The following UTP14C variants were observed in gnomAD, a reference collection of about 807,000 sequenced individuals.
The protein encoded by UTP14C is U3 small nucleolar RNA-associated protein 14 homolog C.
UTP14C carries 10 observed loss-of-function variants against 14.6 expected under a neutral mutation model. The ratio of observed to expected loss-of-function variants is 0.68; its 90% confidence interval spans 0.42 to 1.16. The LOEUF is 1.16. Ranked by LOEUF, UTP14C falls within the 50% of genes most tolerant of loss-of-function variation. The pLI, the probability that UTP14C is intolerant of heterozygous loss-of-function variation, is 0.00. For missense variants in UTP14C, 818 were observed against 890.8 expected (o/e 0.92, Z 1.04); for synonymous variants, 315 against 331.6 (o/e 0.95, Z 0.54).
chr13:52,032,771 A>G lies in UTP14C; in HGVS notation c.*1666A>G, dbSNP rs927403679. 6.0e-6 allele frequency: 1 copy of G among 167,096 alleles called. No homozygotes were observed. Among genetic ancestry groups the G allele is most frequent in the Non-Finnish European group, 1.5e-5 (1 of 68,116 alleles). The allele number at this position is 167,096 out of a possible 1,614,324, so 10.4% of individuals were successfully genotyped here. Reference sequence around the variant, plus strand: ...TAGAAATTGGAGTGAAAGGAACCCTACAGATTAGCCCAGTTCTCTCTTATT... The same window carrying G: ...TAGAAATTGGAGTGAAAGGAACCCTGCAGATTAGCCCAGTTCTCTCTTATT... On this transcript the variant is annotated 3_prime_UTR_variant, in exon 2 of 2. Transcript: ENST00000521776.
Position 52,030,582 on chromosome 13 carries a change from T to C in UTP14C, c.1778T>C (p.Met593Thr). ...GAAGAGGAGAGAGACCAAAGGCAGA[T>C]GATAAAGGAAGCTTTTGCTGGGGAT... ...EDEEERDQRQ[M>T]IKEAFAGDDV... Residue 593 changes from methionine to threonine, a missense_variant, in exon 2 of 2, where the codon ATG becomes ACG. Physicochemically the swap from Met to Thr is moderately conservative, Grantham distance 81. Transcript: ENST00000521776. The C allele has an allele frequency of 6.2e-7, 1 of 1,614,138 alleles. No individual in the cohort carries two copies. The highest frequency in any genetic ancestry group is 8.5e-7 in the Non-Finnish European group (1 of 1,180,034).
Position 52,031,235 on chromosome 13 carries a change from AAAAG to A in UTP14C, c.*134_*137del, listed in dbSNP as rs1954300835. ...ATGTAGTTGAGCCACATTTTTTAAAAAAAGAAAATGGATGACCATTAATTGACTA... is the reference window on the plus strand; with the variant it reads ...ATGTAGTTGAGCCACATTTTTTAAAAAAAATGGATGACCATTAATTGACTA... On this transcript the variant is annotated 3_prime_UTR_variant, in exon 2 of 2. Coordinates refer to ENST00000521776, the MANE Select transcript of UTP14C (RefSeq NM_021645.6). The A allele has an allele frequency of 1.5e-6, 2 of 1,358,510 alleles. No individual in the cohort carries two copies. Among genetic ancestry groups the A allele is most frequent in the Non-Finnish European group, 9.9e-7 (1 of 1,010,666 alleles). The allele number at this position is 1,358,510 out of a possible 1,614,324, so 84.2% of individuals were successfully genotyped here.
intron 1 of UTP14C, among the ~76,000 whole-genome samples, chr13:52,026,443 G>A (rs1332481143): frequency 6.6e-6 from 1 of 152,216 alleles, no homozygotes; most frequent in East Asian, 1.9e-4. Context: ...CATGGGGAGT[G>A]GATCAGTGAA....
At position 52,030,335 on chromosome 13, in the gene UTP14C, G is replaced by A; in HGVS notation, c.1531G>A (p.Glu511Lys). 1 of 1,614,198 alleles carries A rather than the reference G, an allele frequency of 6.2e-7. No individual in the cohort carries two copies. The highest frequency in any genetic ancestry group is 1.1e-5 in the South Asian group (1 of 91,078). The change falls in exon 2 of 2, where the codon GAG becomes AAG. Residue 511 changes from glutamate to lysine, a missense_variant. Transcript: ENST00000521776. ...QRSERVQTLE[E>K]LEELGKEDCF... Reference sequence around the variant, plus strand: ...GTCAGAGAGAGTACAAACTCTGGAAGAGCTAGAAGAGCTGGGAAAAGAAGA... The same window carrying A: ...GTCAGAGAGAGTACAAACTCTGGAAAAGCTAGAAGAGCTGGGAAAAGAAGA...
At chr13:52,027,237 T>TA (rs779660034) in intron 1 of UTP14C, among the ~76,000 whole-genome samples, 19 of 152,024 alleles carry the variant, frequency 1.2e-4, no homozygotes, top group Non-Finnish European at 2.6e-4. Context: ...TCAGTAAGTT[T>TA]ATCTGTGAAG....
Position 52,033,190 on chromosome 13 carries a change from G to A in UTP14C, c.*2085G>A, listed in dbSNP as rs1954322159. On this transcript the variant is annotated 3_prime_UTR_variant, in exon 2 of 2. Transcript: ENST00000521776. ...TGATAGCATGAAAAGTGTCAAAGTG[G>A]TTTGTCCGCTAGCGTCTGTCTGCAG... 6.0e-6 allele frequency: 1 copy of A among 166,924 alleles called. No individual in the cohort carries two copies. Among genetic ancestry groups the A allele is most frequent in the South Asian group, 2.1e-4 (1 of 4,816 alleles). The allele number at this position is 166,924 out of a possible 1,614,324, so 10.3% of individuals were successfully genotyped here.
At chr13:52,026,060 A>G (rs1954237309) in intron 1 of UTP14C, among the ~76,000 whole-genome samples, 1 of 152,224 alleles carries the variant, frequency 6.6e-6, no homozygotes, top group Admixed American at 6.5e-5. Flanking sequence ...TGGTGGTACC[A>G]ACAGGCTACA....
At position 52,028,705 on chromosome 13, in the gene UTP14C, CAA is replaced by C. The variant is rs1468048636; in HGVS notation, c.-97_-96del. Reference sequence around the variant, plus strand: ...AAATCATTTTACTTTAGAAAACAGACAAAATTTCCTTTTAGAATAAAAGGAAG... The same window carrying C: ...AAATCATTTTACTTTAGAAAACAGACAATTTCCTTTTAGAATAAAAGGAAG... On this transcript the variant is annotated 5_prime_UTR_variant, in exon 2 of 2. Coordinates refer to ENST00000521776, the MANE Select transcript of UTP14C (RefSeq NM_021645.6). 1 of 1,577,892 alleles carries C rather than the reference CAA, an allele frequency of 6.3e-7. No individual in the cohort carries two copies. Among genetic ancestry groups the C allele is most frequent in the Middle Eastern group, 1.9e-4 (1 of 5,342 alleles).
At position 52,031,295 on chromosome 13, in the gene UTP14C, C is replaced by T; in HGVS notation, c.*190C>T. 1 of 823,422 alleles carries T rather than the reference C, an allele frequency of 1.2e-6. No homozygotes were observed. Among genetic ancestry groups the T allele is most frequent in the Non-Finnish European group, 1.8e-6 (1 of 545,040 alleles). 51.0% of individuals were successfully genotyped at this position (823,422 alleles called of 1,614,324 possible). ...TTAGAATTGATCAGACATTAGAACA[C>T]AGAAAAATTCTAGTACATTTAAATT... is the stretch of plus-strand genomic sequence containing the variant. On this transcript the variant is annotated 3_prime_UTR_variant, in exon 2 of 2. Transcript: ENST00000521776.
Position 52,030,583 on chromosome 13 carries a change from G to A in UTP14C, c.1779G>A (p.Met593Ile). ...EDEEERDQRQMIKEAFAGDDV... is the reference protein window; with the variant it reads ...EDEEERDQRQIIKEAFAGDDV... ...AAGAGGAGAGAGACCAAAGGCAGAT[G>A]ATAAAGGAAGCTTTTGCTGGGGATG... Residue 593 changes from methionine to isoleucine, a missense_variant, in exon 2 of 2, where the codon ATG becomes ATA. By Grantham distance (10) the Met-to-Ile change is conservative. Coordinates refer to ENST00000521776, the MANE Select transcript of UTP14C (RefSeq NM_021645.6). The A allele has an allele frequency of 1.9e-6, 3 of 1,614,212 alleles. No homozygotes were observed. The highest frequency in any genetic ancestry group is 2.5e-6 in the Non-Finnish European group (3 of 1,180,042).
At chr13:52,027,524 T>C (rs1954253095) in intron 1 of UTP14C, among the ~76,000 whole-genome samples, 1 of 152,236 alleles carries the variant, frequency 6.6e-6, no homozygotes, top group African/African-American at 2.4e-5. Flanking sequence ...ATCAGCTCTG[T>C]ACCATCCTTC....
At chr13:52,025,849 T>A (rs1954235491) in intron 1 of UTP14C, among the ~76,000 whole-genome samples, 1 of 152,242 alleles carries the variant, frequency 6.6e-6, no homozygotes, top group Non-Finnish European at 1.5e-5. Context: ...CTTATACTCT[T>A]TTTACTCCTA....
At position 52,029,491 on chromosome 13, in the gene UTP14C, T is replaced by C. The variant is rs773326490; in HGVS notation, c.687T>C (p.Ala229=). ...TGCACCGAGCAGAGCTTCAGAGGGCTCGGGCTCTGCAGTCCTACTATGAGG... is the reference window on the plus strand; with the variant it reads ...TGCACCGAGCAGAGCTTCAGAGGGCCCGGGCTCTGCAGTCCTACTATGAGG... The part of the protein sequence containing the change: ...AKMHRAELQR[A]RALQSYYEAK... The change falls in exon 2 of 2, where the codon GCT becomes GCC. Residue 229 remains alanine, a synonymous_variant. Transcript: ENST00000521776. 14 of 1,614,138 alleles carry C rather than the reference T, an allele frequency of 8.7e-6. No homozygotes were observed. In the Admixed American group the frequency reaches 1.0e-4, roughly 12 times the overall value.
chr13:52,025,990 G>A (rs1284694282), intron 1 of UTP14C, among the ~76,000 whole-genome samples: 1 of 152,224 alleles, frequency 6.6e-6, no homozygotes, highest in Non-Finnish European at 1.5e-5. Context: ...GCGCTTGGGT[G>A]GATGCTAGGG....
At position 52,030,712 on chromosome 13, in the gene UTP14C, G is replaced by C. The variant is rs975448591; in HGVS notation, c.1908G>C (p.Val636=). ...CTGGCTGGGGCGAGTGGGGTGGTGT[G>C]GGCCTAAAGCCCAGTGCCAAGAAAA... The part of the protein sequence containing the change: ...TLPGWGEWGG[V]GLKPSAKKRR... Residue 636 remains valine (V), a synonymous_variant, in exon 2 of 2, where the codon GTG becomes GTC. Coordinates refer to ENST00000521776, the MANE Select transcript of UTP14C (RefSeq NM_021645.6). 1.8e-5 allele frequency: 29 copies of C among 1,613,964 alleles called. No homozygotes were observed. The highest frequency in any genetic ancestry group is 2.3e-5 in the Non-Finnish European group (27 of 1,179,914).
chr13:52,028,144 A>G lies in UTP14C; in HGVS notation c.-486-175A>G, dbSNP rs573282686. On this transcript the variant is annotated intron_variant, in intron 1 of 1. Transcript: ENST00000521776. ...TATTATGAAGCTTTGAAAACTAAAA[A>G]ACTTAAAATTATTTTATCTTGTACT... Among the ~76,000 whole-genome samples the G allele has an allele frequency of 2.6e-5, 4 of 152,308 alleles. No individual in the cohort carries two copies. The South Asian group carries it at 8.3e-4, about 32-fold the overall frequency.
rs915134237 is a variant in UTP14C, at chr13:52,031,176, C to T, written c.*71C>T. 23 of 1,525,824 alleles carry T rather than the reference C, an allele frequency of 1.5e-5. No individual in the cohort carries two copies. The East Asian group carries it at 2.3e-4, about 15-fold the overall frequency. The allele number at this position is 1,525,824 out of a possible 1,614,324, so 94.5% of individuals were successfully genotyped here. A position where few individuals can be genotyped will look rare whatever the true frequency, so the allele number is the denominator to read the frequency against. On this transcript the variant is annotated 3_prime_UTR_variant, in exon 2 of 2. Transcript: ENST00000521776. The stretch of plus-strand genomic sequence containing the variant: ...CCTTTGGTCCAGTTTTACTCTGCTA[C>T]AGGGTGGATTCCAAAACTGGCTCAG...
chr13:52,027,365 A>T (rs1954251261), intron 1 of UTP14C, among the ~76,000 whole-genome samples: 1 of 152,128 alleles, frequency 6.6e-6, no homozygotes, highest in African/African-American at 2.4e-5. Context: ...GGGAAAGGGT[A>T]AAAGATGCAG....
At position 52,030,827 on chromosome 13, in the gene UTP14C, C is replaced by T; in HGVS notation, c.2023C>T (p.His675Tyr). The T allele has an allele frequency of 6.2e-7, 1 of 1,614,162 alleles. No individual in the cohort carries two copies. The highest frequency in any genetic ancestry group is 1.1e-5 in the South Asian group (1 of 91,082). ...GATTATCAGTGAGAAGCGCAACATC[C>T]ACGCAGCAGCTCATCAGGTACAAGT... ...NVIISEKRNI[H>Y]AAAHQVQVLP... The change falls in exon 2 of 2, where the codon CAC becomes TAC. Residue 675 changes from histidine to tyrosine, a missense_variant. By Grantham distance (83) the His-to-Tyr change is moderately conservative. Transcript: ENST00000521776.
Sources: allele counts gnomAD v4.1 joint callset (sites outside exome capture counted in the v4.1 genomes callset), GRCh38; gene constraint gnomAD v4.1.1; transcripts MANE v1.5; gene names NCBI Gene and HGNC (gene_info 2026-07-23, HGNC 2026-07-21).